PRKDC: variants seen among roughly 807,000 people sequenced by gnomAD.
The protein encoded by PRKDC is protein kinase, DNA-activated, catalytic subunit.
A neutral mutation model predicts 486.9 loss-of-function variants in PRKDC; 82 were observed. The observed-to-expected ratio is 0.17, with a 90% CI of 0.14 to 0.20. The LOEUF (loss-of-function observed/expected upper bound fraction) is 0.20, where lower values mean the gene tolerates loss of function less well. PRKDC is among the 10% of genes least tolerant of loss of function. The pLI, the probability that PRKDC is intolerant of heterozygous loss-of-function variation, is 1.00. For missense variants in PRKDC, 4,504 were observed against 5,038.2 expected (o/e 0.89, Z 3.21); for synonymous variants, 1,895 against 1,837.0 (o/e 1.03, Z -0.81).
Position 47,778,483 on chromosome 8 carries a change from C to T in PRKDC, c.11829G>A (p.Gly3943=). 6.2e-7 allele frequency: 1 copy of T among 1,613,260 alleles called. No individual in the cohort carries two copies. The change falls in exon 83 of 86, where the codon GGG becomes GGA. Residue 3943 remains glycine, a synonymous_variant. Transcript: ENST00000314191. ...ETGGVIGIDF[G]HAFGSATQFL... ...CCTGTGTAGCGGATCCAAACGCATGCCCAAAGTCGATCCCGATCACGCCGC... is the reference window on the plus strand; with the variant it reads ...CCTGTGTAGCGGATCCAAACGCATGTCCAAAGTCGATCCCGATCACGCCGC...
chr8:47,836,688 G>C (rs765426743), intron 57 of PRKDC, among the ~76,000 whole-genome samples, 161 bp from the exon 58 acceptor site: 3 of 152,192 alleles, frequency 2.0e-5, no homozygotes, highest in Non-Finnish European at 4.4e-5. Flanking sequence ...TAATTTAAAA[G>C]TTTTAACTGA....
chr8:47,855,835 C>A (rs1222899974), intron 49 of PRKDC, among the ~76,000 whole-genome samples: 1 of 152,218 alleles, frequency 6.6e-6, no homozygotes, highest in Non-Finnish European at 1.5e-5. Flanking sequence ...CTGTGCTAAT[C>A]CATCTGGCTG....
At chr8:47,835,598 G>C (rs1163414265) in intron 58 of PRKDC, among the ~76,000 whole-genome samples, 4 of 119,486 alleles carry the variant, frequency 3.3e-5, no homozygotes, top group African/African-American at 1.3e-4. Context: ...CTCCAGCCTG[G>C]TGACAGAGCA....
Position 47,935,013 on chromosome 8 carries a change from G to C in PRKDC, c.1493C>G (p.Pro498Arg). The C allele has an allele frequency of 2.0e-6, 3 of 1,516,716 alleles. No individual in the cohort carries two copies. The highest frequency in any genetic ancestry group is 2.5e-5 in the South Asian group (2 of 80,098). 94.0% of individuals were successfully genotyped at this position (1,516,716 alleles called of 1,614,324 possible). Residue 498 changes from proline to arginine, a missense_variant, in exon 14 of 86, where the codon CCA becomes CGA. Physicochemically the swap from Pro to Arg is moderately radical, Grantham distance 103 (BLOSUM62 -2). This residue lies in a region of PRKDC where 1,969 missense variants were observed against 2,068.9 expected (regional missense o/e 0.95). Coordinates refer to ENST00000314191, the MANE Select transcript of PRKDC (RefSeq NM_006904.7). Reference sequence around the variant, plus strand: ...AACATTAAATTCAGAATTTACCTTTGGAAGGACCACTGGTTTAGAACATAT... The same window carrying C: ...AACATTAAATTCAGAATTTACCTTTCGAAGGACCACTGGTTTAGAACATAT... ...IRICSKPVVL[P>R]KGPESESEDH...
intron 16 of PRKDC, 66 bp downstream of exon 16, chr8:47,932,954 A>G: frequency 7.1e-7 from 1 of 1,417,186 alleles, no homozygotes; most frequent in African/African-American, 1.4e-5. Context: ...TGTCCCCTAA[A>G]TATTTATATG....
chr8:47,912,500 C>T lies in PRKDC; in HGVS notation c.2844G>A (p.Met948Ile). The T allele has an allele frequency of 1.2e-6, 2 of 1,612,762 alleles. No individual in the cohort carries two copies. Among genetic ancestry groups the T allele is most frequent in the Non-Finnish European group, 8.5e-7 (1 of 1,179,206 alleles). ...GTGGGGCTCCCTGTCCCCCTTCTGG[C>T]ATCTGCGTGGCTTTGCCCAACATAA... The part of the protein sequence containing the change: ...VMFMLGKATQ[M>I]PEGGQGAPPM... Residue 948 changes from methionine (M) to isoleucine (I), a missense_variant, in exon 25 of 86, where the codon ATG becomes ATA. Transcript: ENST00000314191.
At chr8:47,912,375 A>G in intron 25 of PRKDC, 35 bp downstream of exon 25, 2 of 1,475,206 alleles carry the variant, frequency 1.4e-6, no homozygotes, top group South Asian at 1.5e-5. Context: ...AAACTTTTAG[A>G]AATTTTACAA....
At chr8:47,900,544 T>C in intron 27 of PRKDC, 77 bp from the exon 28 acceptor site, 1 of 1,310,806 alleles carries the variant, frequency 7.6e-7, no homozygotes, top group Non-Finnish European at 1.1e-6. Context: ...GGAATGGAAT[T>C]AAAGAAGGCA....
chr8:47,836,003 A>G (rs1458154595), intron 58 of PRKDC, among the ~76,000 whole-genome samples: 1 of 152,142 alleles, frequency 6.6e-6, no homozygotes, highest in Non-Finnish European at 1.5e-5. Context: ...CCTGGGCTCA[A>G]CTGATCCTCC....
chr8:47,808,522 A>C (rs1272082943), intron 68 of PRKDC, among the ~76,000 whole-genome samples: 1 of 151,946 alleles, frequency 6.6e-6, no homozygotes, highest in Non-Finnish European at 1.5e-5. Flanking sequence ...GTAGTGCAGT[A>C]GTTATTCACA....
At chr8:47,891,970 A>G (rs888331719) in intron 31 of PRKDC, among the ~76,000 whole-genome samples, 1 of 151,886 alleles carries the variant, frequency 6.6e-6, no homozygotes, top group Non-Finnish European at 1.5e-5. Context: ...CGGGGTTCAA[A>G]CAATTCTTGT....
At position 47,799,389 on chromosome 8, in the gene PRKDC, A is replaced by G; in HGVS notation, c.10118T>C (p.Val3373Ala). 1 of 1,540,590 alleles carries G rather than the reference A, an allele frequency of 6.5e-7. No individual in the cohort carries two copies. The highest frequency in any genetic ancestry group is 8.7e-7 in the Non-Finnish European group (1 of 1,148,406). Reference sequence around the variant, plus strand: ...TGCTCTCTGGTACAGACCCGCGATCACCTGGAATTCACAGAGACCTAAACC... The same window carrying G: ...TGCTCTCTGGTACAGACCCGCGATCGCCTGGAATTCACAGAGACCTAAACC... ...SGSSSEDSEK[V>A]IAGLYQRAFQ... The change falls in exon 72 of 86, where the codon GTG becomes GCG. Residue 3373 changes from valine (V) to alanine (A), a missense_variant and splice_region_variant. Transcript: ENST00000314191.
At chr8:47,888,702 A>C in intron 33 of PRKDC, 52 bp from the exon 34 acceptor site, 1 of 1,496,000 alleles carries the variant, frequency 6.7e-7, no homozygotes, top group Non-Finnish European at 8.9e-7. Context: ...TCGTTAAATT[A>C]TCAAGATACA....
At chr8:47,879,761 G>A in intron 38 of PRKDC, 103 bp from the exon 39 acceptor site, 2 of 877,448 alleles carry the variant, frequency 2.3e-6, no homozygotes, top group Non-Finnish European at 1.6e-6. Context: ...GCATTATGTG[G>A]AATCAATGAA....
intron 18 of PRKDC, among the ~76,000 whole-genome samples, chr8:47,929,388 A>C (rs1488722597): frequency 6.6e-6 from 1 of 152,210 alleles, no homozygotes; most frequent in African/African-American, 2.4e-5. Flanking sequence ...GTGAGAAGCC[A>C]AGCACACAGC....
chr8:47,902,836 T>C (rs2089713375), intron 26 of PRKDC, 41 bp from the exon 27 acceptor site: 7 of 1,485,030 alleles, frequency 4.7e-6, no homozygotes, highest in Non-Finnish European at 6.4e-6. Context: ...CTAATTTTTA[T>C]AACCACTGAC....
At chr8:47,802,867 A>G (rs1298741091) in intron 70 of PRKDC, among the ~76,000 whole-genome samples, 1 of 151,930 alleles carries the variant, frequency 6.6e-6, no homozygotes, top group African/African-American at 2.4e-5. Context: ...GTTAGCCAGG[A>G]TGGTCTCGAT....
Position 47,935,799 on chromosome 8 carries a change from G to A in PRKDC, c.1380C>T (p.Ala460=). The part of the protein sequence containing the change: ...SPKMQLVCCR[A]IVKVFLALAA... ...CCAAAGCTAGGAACACCTTCACTATGGCTCTGCAACACACCAGCTGCATTT... is the reference window on the plus strand; with the variant it reads ...CCAAAGCTAGGAACACCTTCACTATAGCTCTGCAACACACCAGCTGCATTT... The change falls in exon 13 of 86, where the codon GCC becomes GCT. Residue 460 remains alanine, a synonymous_variant. Transcript: ENST00000314191. 3 of 1,613,950 alleles carry A rather than the reference G, an allele frequency of 1.9e-6. No homozygotes were observed. The highest frequency in any genetic ancestry group is 2.5e-6 in the Non-Finnish European group (3 of 1,179,890).
chr8:47,797,042 T>C (rs2086998637), intron 73 of PRKDC, among the ~76,000 whole-genome samples: 1 of 152,176 alleles, frequency 6.6e-6, no homozygotes, highest in African/African-American at 2.4e-5. Flanking sequence ...AAGGTGTCTT[T>C]CTGAAGATAA....
Sources: gnomAD v4.1 joint callset for allele counts (sites outside exome capture counted in the v4.1 genomes callset) on GRCh38, gnomAD v4.1.1 for gene constraint, gnomAD v4.1.1 regional missense constraint, MANE v1.5 for transcripts, NCBI Gene and HGNC (gene_info 2026-07-23, HGNC 2026-07-21) for gene names.